SLC35B4: variants seen among roughly 807,000 people sequenced by gnomAD.
SLC35B4 encodes the protein solute carrier family 35 member B4.
A neutral mutation model predicts 39.5 loss-of-function variants in SLC35B4; 28 were observed. The observed-to-expected ratio is 0.71, with a 90% confidence interval of 0.53 to 0.97. SLC35B4 has a LOEUF of 0.97. Ranked by LOEUF, SLC35B4 falls within the 50% of genes least tolerant of loss-of-function variation. The pLI, the probability that SLC35B4 is intolerant of heterozygous loss-of-function variation, is 0.00. For synonymous variants in SLC35B4, 145 were observed against 150.4 expected, an observed-to-expected ratio of 0.96 and a Z score of 0.26; for missense variants, 334 against 414.3, an observed-to-expected ratio of 0.81 and a Z score of 1.68.
rs1471466773 is a variant in SLC35B4, at chr7:134,293,868, C to T, written c.*965G>A. On this transcript the variant is annotated 3_prime_UTR_variant, in exon 10 of 10. Transcript: ENST00000378509. ...AGTGCAGTAGCACGACCTCAGCTCA[C>T]TGCAACCTTCATCTCCCGGGTTCAA... 6.6e-6 allele frequency: 1 copy of T among 152,000 alleles called. No homozygotes were observed. Among genetic ancestry groups the T allele is most frequent in the African/African-American group, 2.4e-5 (1 of 41,276 alleles). The allele number at this position is 152,000 out of a possible 1,614,324, so 9.4% of individuals were successfully genotyped here.
rs1222749926 is a variant in SLC35B4 at position 134,291,781 on chromosome 7, A to T, written c.*3052T>A. On this transcript the variant is annotated 3_prime_UTR_variant, in exon 10 of 10. Coordinates refer to ENST00000378509, the MANE Select transcript of SLC35B4 (RefSeq NM_032826.5). The stretch of plus-strand genomic sequence containing the variant: ...CATTACAGTTGTTTTAGTTGGACGA[A>T]AAAGAAAACAAAGAATCAAAAATAA... The T allele has an allele frequency of 6.6e-6, 1 of 152,268 alleles. No individual in the cohort carries two copies. The highest frequency in any genetic ancestry group is 6.5e-5 in the Admixed American group (1 of 15,290). 9.4% of individuals were successfully genotyped at this position (152,268 alleles called of 1,614,324 possible). A position where few individuals can be genotyped will look rare whatever the true frequency, so the allele number is the denominator to read the frequency against.
chr7:134,316,595 G>A (rs893547836), intron 1 of SLC35B4, 80 bp downstream of exon 1: 2 of 1,438,224 alleles, frequency 1.4e-6, no homozygotes, highest in African/African-American at 2.8e-5. Context: ...CAGGGCGTGG[G>A]CGCGTCCCGG....
intron 8 of SLC35B4, among the ~76,000 whole-genome samples, chr7:134,298,823 G>A (rs533015733): frequency 9.2e-5 from 14 of 152,292 alleles, no homozygotes; most frequent in Middle Eastern, 3.4e-3. Flanking sequence ...AAGCATTTGA[G>A]GTGTGTGCAA....
intron 2 of SLC35B4, 70 bp from the exon 3 acceptor site, chr7:134,306,844 A>G (rs1202204726): frequency 1.5e-5 from 20 of 1,365,372 alleles, no homozygotes; most frequent in African/African-American, 5.8e-5. Context: ...TAGGAAATAT[A>G]TATTTTTGGC....
chr7:134,294,864 C>G lies in SLC35B4; in HGVS notation c.965G>C (p.Ser322Thr), dbSNP rs1202758239. The G allele has an allele frequency of 1.9e-6, 3 of 1,614,138 alleles. No homozygotes were observed. The highest frequency in any genetic ancestry group is 2.5e-6 in the Non-Finnish European group (3 of 1,180,026). ...EVWNNLGTTK[S>T]EPQKDSKKN ...CTTCTTGCTGTCCTTCTGAGGCTCA[C>G]TTTTTGTGGTCCCTAGGTTGTTCCA... Residue 322 changes from serine to threonine, a missense_variant, in exon 10 of 10, where the codon AGT becomes ACT. Physicochemically the swap from Ser to Thr is moderately conservative, Grantham distance 58. Transcript: ENST00000378509.
chr7:134,310,705 C>T (rs781641453), intron 1 of SLC35B4, among the ~76,000 whole-genome samples: 31 of 151,978 alleles, frequency 2.0e-4, no homozygotes, highest in Non-Finnish European at 3.5e-4. Context: ...CCACCAGGCC[C>T]GGCTAATTTT....
chr7:134,297,048 G>A (rs1257697361), intron 8 of SLC35B4, among the ~76,000 whole-genome samples: 1 of 152,174 alleles, frequency 6.6e-6, no homozygotes, highest in Non-Finnish European at 1.5e-5. Context: ...AGCCTCCCAA[G>A]TAGCTGGGAC....
Position 134,309,374 on chromosome 7 carries a change from G to A in SLC35B4, c.183C>T (p.Ile61=). Residue 61 remains isoleucine (I), a synonymous_variant, in exon 2 of 10, where the codon ATC becomes ATT. Coordinates refer to ENST00000378509, the MANE Select transcript of SLC35B4 (RefSeq NM_032826.5). ...ACTCTAATGTACCATACCTTATTGGGATAGCTGGTGGCTTCCTTCCCAAAT... is the reference window on the plus strand; with the variant it reads ...ACTCTAATGTACCATACCTTATTGGAATAGCTGGTGGCTTCCTTCCCAAAT... ...EADLGRKPPA[I]PIRYYAIMVT... The A allele has an allele frequency of 6.2e-7, 1 of 1,604,948 alleles. No individual in the cohort carries two copies. The highest frequency in any genetic ancestry group is 8.5e-7 in the Non-Finnish European group (1 of 1,175,716).
chr7:134,299,604 G>A lies in SLC35B4; in HGVS notation c.598-6C>T. ...CCCGGAAGTGGAAGGGCGTGCTATG[G>A]AAAGAAACAGGTCAGATAAATGTAA... On this transcript the variant is annotated splice_region_variant and splice_polypyrimidine_tract_variant and intron_variant, in intron 7 of 9. Coordinates refer to ENST00000378509, the MANE Select transcript of SLC35B4 (RefSeq NM_032826.5). The A allele has an allele frequency of 6.2e-7, 1 of 1,611,790 alleles. No homozygotes were observed. Among genetic ancestry groups the A allele is most frequent in the Non-Finnish European group, 8.5e-7 (1 of 1,178,158 alleles).
At chr7:134,295,158 G>C in intron 9 of SLC35B4, 79 bp from the exon 10 acceptor site, 1 of 1,535,930 alleles carries the variant, frequency 6.5e-7, no homozygotes, top group Non-Finnish European at 8.8e-7. Flanking sequence ...CATGGTCCCT[G>C]GTTTAACTTC....
intron 6 of SLC35B4, among the ~76,000 whole-genome samples, chr7:134,301,053 T>A (rs748225887): frequency 5.9e-5 from 9 of 152,206 alleles, no homozygotes; most frequent in Non-Finnish European, 1.2e-4. Context: ...ATTTTTCTAA[T>A]AGCACATAAG....
intron 4 of SLC35B4, 84 bp downstream of exon 4, chr7:134,304,721 G>A (rs1803666748): frequency 9.3e-7 from 1 of 1,078,478 alleles, no homozygotes; most frequent in Admixed American, 2.1e-5. Context: ...CACTATTTTG[G>A]GACAAGGAAT....
At chr7:134,301,080 A>C (rs181057069) in intron 6 of SLC35B4, among the ~76,000 whole-genome samples, 1 of 152,320 alleles carries the variant, frequency 6.6e-6, no homozygotes, top group Non-Finnish European at 1.5e-5. Context: ...TCTATGTTAC[A>C]AACAGCAACA....
chr7:134,306,852 G>T, intron 2 of SLC35B4, 78 bp from the exon 3 acceptor site: 1 of 1,228,072 alleles, frequency 8.1e-7, no homozygotes, highest in Non-Finnish European at 1.1e-6. Flanking sequence ...ATATATTTTT[G>T]GCTAAAAAGG....
intron 1 of SLC35B4, among the ~76,000 whole-genome samples, chr7:134,315,162 C>A (rs1803943890): frequency 6.6e-6 from 1 of 152,150 alleles, no homozygotes; most frequent in African/African-American, 2.4e-5. Flanking sequence ...TCAAAACTGG[C>A]AGGGAGGTTG....
chr7:134,294,689 G>T lies in SLC35B4; in HGVS notation c.*144C>A. 9.9e-7 allele frequency: 1 copy of T among 1,007,436 alleles called. No homozygotes were observed. Among genetic ancestry groups the T allele is most frequent in the Non-Finnish European group, 1.4e-6 (1 of 699,026 alleles). The allele number at this position is 1,007,436 out of a possible 1,614,324, so 62.4% of individuals were successfully genotyped here. A position where few individuals can be genotyped will look rare whatever the true frequency, so the allele number is the denominator to read the frequency against. On this transcript the variant is annotated 3_prime_UTR_variant, in exon 10 of 10. Transcript: ENST00000378509. The stretch of plus-strand genomic sequence containing the variant: ...CTACATGTGTCAGTCTGAGCAACGT[G>T]AGAAGTCCCCTCCTGAAGATTTCCT...
intron 1 of SLC35B4, among the ~76,000 whole-genome samples, chr7:134,314,247 G>A (rs959431687): frequency 1.3e-5 from 2 of 152,160 alleles, no homozygotes; most frequent in African/African-American, 4.8e-5. Flanking sequence ...AGCCCTACAA[G>A]TGTGCTTTAG....
chr7:134,294,664 C>T lies in SLC35B4; in HGVS notation c.*169G>A. On this transcript the variant is annotated 3_prime_UTR_variant, in exon 10 of 10. Transcript: ENST00000378509. ...TAGGGCTGAGGGGTTTCTATTTAGTCTACATGTGTCAGTCTGAGCAACGTG... is the reference window on the plus strand; with the variant it reads ...TAGGGCTGAGGGGTTTCTATTTAGTTTACATGTGTCAGTCTGAGCAACGTG... 2.8e-6 allele frequency: 2 copies of T among 723,650 alleles called. No homozygotes were observed. The highest frequency in any genetic ancestry group is 2.8e-5 in the East Asian group (1 of 36,362). 44.8% of individuals were successfully genotyped at this position (723,650 alleles called of 1,614,324 possible).
chr7:134,308,650 G>A (rs751330288), intron 2 of SLC35B4, among the ~76,000 whole-genome samples: 5 of 152,132 alleles, frequency 3.3e-5, no homozygotes, highest in Admixed American at 2.0e-4. Flanking sequence ...CCAGAATGTC[G>A]CTCTAAACGG....
Sources: gnomAD v4.1 joint callset for allele counts (sites outside exome capture counted in the v4.1 genomes callset) on GRCh38, gnomAD v4.1.1 for gene constraint, MANE v1.5 for transcripts, NCBI Gene and HGNC (gene_info 2026-07-23, HGNC 2026-07-21) for gene names.